The following TNNI3K variants were observed in gnomAD, a reference collection of about 807,000 sequenced individuals.
The protein encoded by TNNI3K is serine/threonine-protein kinase TNNI3K.
TNNI3K carries 140 observed loss-of-function variants against 114.5 expected under a neutral mutation model. That is an observed-to-expected ratio of 1.22 (90% CI 1.07 to 1.41). TNNI3K has a LOEUF of 1.41. TNNI3K is among the 40% of genes most tolerant of loss of function. The pLI is 0.00. For missense variants in TNNI3K, 1,125 were observed against 1,007.6 expected, an observed-to-expected ratio of 1.12 and a Z score of -1.58; for synonymous variants, 347 against 347.5, an observed-to-expected ratio of 1.00 and a Z score of 0.02.
intron 5 of TNNI3K, among the ~76,000 whole-genome samples, chr1:74,286,263 C>T (rs1302801845): frequency 2.6e-5 from 4 of 152,130 alleles, no homozygotes; most frequent in Non-Finnish European, 5.9e-5. Flanking sequence ...CAGGCCAGTC[C>T]TCATGTCCCC....
chr1:74,460,083 T>C (rs1398885031), intron 20 of TNNI3K, among the ~76,000 whole-genome samples: 2 of 152,096 alleles, frequency 1.3e-5, no homozygotes, highest in African/African-American at 4.8e-5. Context: ...ATATAACTTT[T>C]TTTTTTTTTT....
chr1:74,289,195 T>C (rs1438682673), intron 5 of TNNI3K, among the ~76,000 whole-genome samples: 1 of 152,038 alleles, frequency 6.6e-6, no homozygotes, highest in East Asian at 1.9e-4. Context: ...CAGAGAACTT[T>C]GTTTTTCAAA....
At chr1:74,343,429 G>A (rs535723619) in intron 9 of TNNI3K, among the ~76,000 whole-genome samples, 67 of 152,280 alleles carry the variant, frequency 4.4e-4, no homozygotes, top group Non-Finnish European at 8.1e-4. Flanking sequence ...CAAAGACAGG[G>A]ACTGATGTTG....
At chr1:74,461,286 C>G (rs1403165522) in intron 20 of TNNI3K, among the ~76,000 whole-genome samples, 1 of 152,086 alleles carries the variant, frequency 6.6e-6, no homozygotes, top group East Asian at 1.9e-4. Context: ...CGAGACCATC[C>G]TGCTAACACA....
intron 17 of TNNI3K, among the ~76,000 whole-genome samples, chr1:74,401,251 T>C (rs567483015): frequency 3.8e-4 from 58 of 152,340 alleles, no homozygotes; most frequent in African/African-American, 1.4e-3. Flanking sequence ...GTTGATTTTC[T>C]AGGTCATGCA....
At chr1:74,375,324 G>T (rs1392854802) in intron 17 of TNNI3K, 5 of 203,748 alleles carry the variant, frequency 2.5e-5, no homozygotes, top group Non-Finnish European at 5.3e-5. Flanking sequence ...ATGGACATAG[G>T]CCAAAATAAC....
At chr1:74,496,971 C>T (rs1230317403) in intron 23 of TNNI3K, among the ~76,000 whole-genome samples, 3 of 152,008 alleles carry the variant, frequency 2.0e-5, no homozygotes, top group Non-Finnish European at 4.4e-5. Flanking sequence ...AGTTAGCTGT[C>T]CAGAAGAAGA....
At chr1:74,502,888 T>C (rs1476360477) in intron 23 of TNNI3K, among the ~76,000 whole-genome samples, 1 of 149,450 alleles carries the variant, frequency 6.7e-6, no homozygotes, top group African/African-American at 2.6e-5. Flanking sequence ...CCAAACAGCC[T>C]CACTCTCTGA....
chr1:74,276,957 A>G (rs1656720298), intron 5 of TNNI3K, among the ~76,000 whole-genome samples: 1 of 152,102 alleles, frequency 6.6e-6, no homozygotes, highest in African/African-American at 2.4e-5. Flanking sequence ...CCCAGGTCTC[A>G]ATACTTCTCT....
At chr1:74,319,073 G>A (rs538689038) in intron 5 of TNNI3K, among the ~76,000 whole-genome samples, 1 of 152,336 alleles carries the variant, frequency 6.6e-6, no homozygotes, top group African/African-American at 2.4e-5. Flanking sequence ...GAATGGCTTA[G>A]CTGGATCCCC....
At position 74,481,076 on chromosome 1, in the gene TNNI3K, G is replaced by A. The variant is rs1356972402; in HGVS notation, c.2122-8113G>A. The A allele has an allele frequency of 1.0e-4, 61 of 595,002 alleles. 2 individuals are homozygous for A. In the East Asian group the frequency reaches 1.3e-3, roughly 12 times the overall value. The allele number at this position is 595,002 out of a possible 1,614,324, so 36.9% of individuals were successfully genotyped here. A position where few individuals can be genotyped will look rare whatever the true frequency, so the allele number is the denominator to read the frequency against. On this transcript the variant is annotated intron_variant, in intron 21 of 24. Coordinates refer to ENST00000326637, the MANE Select transcript of TNNI3K (RefSeq NM_015978.3). Reference sequence around the variant, plus strand: ...TCCTCTGAGCAATCTTATCACCTGGGTAAAAACAATAAACAATACAAAAAA... The same window carrying A: ...TCCTCTGAGCAATCTTATCACCTGGATAAAAACAATAAACAATACAAAAAA...
intron 20 of TNNI3K, among the ~76,000 whole-genome samples, chr1:74,454,758 GGTAGTACAATTGTTA>G (rs1444352945): frequency 2.0e-5 from 3 of 152,038 alleles, no homozygotes; most frequent in African/African-American, 7.2e-5. Context: ...TGGATAATAT[GGTAGTACAATTGTTA>G]GTTTTTTGAG....
intron 20 of TNNI3K, among the ~76,000 whole-genome samples, chr1:74,459,742 C>T (rs1667369542): frequency 6.6e-6 from 1 of 152,182 alleles, no homozygotes; most frequent in Non-Finnish European, 1.5e-5. Flanking sequence ...ACTGGTCTAT[C>T]ACTTTTGAGA....
chr1:74,371,807 G>A (rs1257573343), intron 17 of TNNI3K: 1 of 151,618 alleles, frequency 6.6e-6, no homozygotes, highest in Non-Finnish European at 1.5e-5. Flanking sequence ...TCACAAATTT[G>A]GAGCTATATT....
intron 11 of TNNI3K, among the ~76,000 whole-genome samples, chr1:74,362,961 G>A (rs1023043552): frequency 6.6e-6 from 1 of 152,118 alleles, no homozygotes; most frequent in Non-Finnish European, 1.5e-5. Context: ...ATCATCATTA[G>A]AGTTGCATTA....
chr1:74,249,346 G>GA (rs1176370438), intron 2 of TNNI3K, 113 bp from the exon 3 acceptor site: 1 of 1,113,432 alleles, frequency 9.0e-7, no homozygotes, highest in Non-Finnish European at 1.2e-6. Context: ...AATAATCTTA[G>GA]AAAAAATACA....
At chr1:74,364,559 C>T (rs1016070413) in intron 11 of TNNI3K, among the ~76,000 whole-genome samples, 5 of 151,510 alleles carry the variant, frequency 3.3e-5, no homozygotes, top group Admixed American at 6.6e-5. Flanking sequence ...TAATGCCCCC[C>T]GCCACCCCCA....
chr1:74,397,820 G>A (rs544133737), intron 17 of TNNI3K, among the ~76,000 whole-genome samples: 6 of 152,276 alleles, frequency 3.9e-5, no homozygotes, highest in African/African-American at 1.4e-4. Flanking sequence ...CAATCTTTAT[G>A]TGAAAAAGGT....
intron 20 of TNNI3K, among the ~76,000 whole-genome samples, chr1:74,451,869 C>A (rs45583637): frequency 0.021 from 3,125 of 151,130 alleles, 113 homozygotes; most frequent in African/African-American, 0.071. Context: ...CAAAATGTTT[C>A]ATCTGCCATC....
Sources: gnomAD v4.1 joint callset for allele counts (sites outside exome capture counted in the v4.1 genomes callset) on GRCh38, gnomAD v4.1.1 for gene constraint, MANE v1.5 for transcripts, NCBI Gene and HGNC (gene_info 2026-07-23, HGNC 2026-07-21) for gene names.